Variants in ENOX1 observed in about 807,000 individuals in gnomAD.
ENOX1 encodes candidate growth-related and time keeping constitutive hydroquinone (NADH) oxidase.
A neutral mutation model predicts 82.5 loss-of-function variants in ENOX1; 42 were observed. The ratio of observed to expected loss-of-function variants is 0.51; its 90% CI spans 0.40 to 0.66. The LOEUF is 0.66. Ranked by LOEUF, ENOX1 falls within the 30% of genes least tolerant of loss-of-function variation. The probability of loss-of-function intolerance (pLI) is 0.00; values close to 1 mark genes in which losing one functional copy is unlikely to be tolerated. For synonymous variants in ENOX1, 271 were observed against 282.2 expected (o/e 0.96, Z 0.40); for missense variants, 608 against 811.6 (o/e 0.75, Z 3.05).
At position 43,687,006 on chromosome 13, in the gene ENOX1, T is replaced by C. The variant is rs192546872; in HGVS notation, c.-284-19462A>G. Reference sequence around the variant, plus strand: ...TCCGCTCCTCACAAAAAAGTATATATACATTTCCATTTTCATGTTGCCAGA... The same window carrying C: ...TCCGCTCCTCACAAAAAAGTATATACACATTTCCATTTTCATGTTGCCAGA... On this transcript the variant is annotated intron_variant, in intron 1 of 16. Coordinates refer to ENST00000690772, the MANE Select transcript of ENOX1 (RefSeq NM_001347969.2). Among the ~76,000 whole-genome samples, 317 of 152,258 alleles carry C rather than the reference T, an allele frequency of 2.1e-3. 1 individual carries two copies. The highest frequency in any genetic ancestry group is 6.6e-3 in the South Asian group (32 of 4,832).
intron 2 of ENOX1, among the ~76,000 whole-genome samples, chr13:43,601,415 C>T (rs566547340): frequency 3.3e-5 from 5 of 152,004 alleles, no homozygotes; most frequent in African/African-American, 9.6e-5. Flanking sequence ...ACATTATAGT[C>T]TCTTAACAGC....
intron 3 of ENOX1, among the ~76,000 whole-genome samples, chr13:43,463,947 G>A (rs1439666198): frequency 6.6e-6 from 1 of 152,132 alleles, no homozygotes; most frequent in Non-Finnish European, 1.5e-5. Context: ...TTGACATTTG[G>A]CAGAGAGAGA....
chr13:43,262,672 G>A (rs1234668117), intron 14 of ENOX1, among the ~76,000 whole-genome samples: 1 of 152,032 alleles, frequency 6.6e-6, no homozygotes, highest in Non-Finnish European at 1.5e-5. Flanking sequence ...GACTACAGGT[G>A]CGCCATGTTG....
rs1319562488 is a variant in ENOX1, at chr13:43,585,501, G to A, written c.-219+81978C>T. Among the ~76,000 whole-genome samples the A allele has an allele frequency of 2.6e-5, 4 of 152,266 alleles. No individual in the cohort carries two copies. The South Asian group carries it at 6.2e-4, about 24-fold the overall frequency. Reference sequence around the variant, plus strand: ...CTCAAAGCATCCTTATTCATTGATCGCTCACAGTTAACCACCCTGCCACTT... The same window carrying A: ...CTCAAAGCATCCTTATTCATTGATCACTCACAGTTAACCACCCTGCCACTT... On this transcript the variant is annotated intron_variant, in intron 2 of 16. Transcript: ENST00000690772.
chr13:43,388,235 G>C (rs903616176), intron 5 of ENOX1, among the ~76,000 whole-genome samples: 1 of 152,176 alleles, frequency 6.6e-6, no homozygotes, highest in Non-Finnish European at 1.5e-5. Context: ...AATTTATCTT[G>C]CTCAGTGGAA....
intron 2 of ENOX1, among the ~76,000 whole-genome samples, chr13:43,652,262 G>C (rs1225404510): frequency 6.6e-6 from 1 of 152,178 alleles, no homozygotes; most frequent in Non-Finnish European, 1.5e-5. Context: ...TAAATGAAGA[G>C]CAGAACCAAG....
At chr13:43,442,001 A>G (rs2153623036) in intron 3 of ENOX1, among the ~76,000 whole-genome samples, 1 of 152,252 alleles carries the variant, frequency 6.6e-6, no homozygotes, top group Non-Finnish European at 1.5e-5. Context: ...TCACCATACA[A>G]ATGCCCAGAC....
At chr13:43,571,782 TC>T (rs2080192859) in intron 2 of ENOX1, among the ~76,000 whole-genome samples, 1 of 152,144 alleles carries the variant, frequency 6.6e-6, no homozygotes, top group Non-Finnish European at 1.5e-5. Context: ...GACCTCCAAT[TC>T]CTCATCTGTG....
intron 2 of ENOX1, among the ~76,000 whole-genome samples, chr13:43,584,136 G>A (rs1176340575): frequency 6.6e-6 from 1 of 152,184 alleles, no homozygotes; most frequent in Non-Finnish European, 1.5e-5. Context: ...TACCTTCAGC[G>A]AGCAAGTAAA....
At chr13:43,625,535 A>T (rs1330308671) in intron 2 of ENOX1, among the ~76,000 whole-genome samples, 2 of 151,864 alleles carry the variant, frequency 1.3e-5, no homozygotes, top group Non-Finnish European at 2.9e-5. Context: ...CTTTTTTTCC[A>T]AGAATTTTCA....
intron 1 of ENOX1, among the ~76,000 whole-genome samples, chr13:43,773,802 A>G (rs1951778289): frequency 6.6e-6 from 1 of 152,230 alleles, no homozygotes; most frequent in Non-Finnish European, 1.5e-5. Flanking sequence ...CCAAGACAGG[A>G]ATGCTGCTTA....
In ENOX1 at chr13:43,614,466, C is replaced by G. The variant is rs1409669267; in HGVS notation, c.-219+53013G>C. Among the ~76,000 whole-genome samples, 3 of 151,804 alleles carry G rather than the reference C, an allele frequency of 2.0e-5. No individual in the cohort carries two copies. In the East Asian group the frequency reaches 5.8e-4, roughly 29 times the overall value. On this transcript the variant is annotated intron_variant, in intron 2 of 16. Coordinates refer to ENST00000690772, the MANE Select transcript of ENOX1 (RefSeq NM_001347969.2). The stretch of plus-strand genomic sequence containing the variant: ...CAAGAACCTCACACTTACCTCCTCA[C>G]CTGGCTTTGGACCTCAAGCTAAAAG...
intron 9 of ENOX1, among the ~76,000 whole-genome samples, chr13:43,340,797 C>T (rs537583097): frequency 1.3e-5 from 2 of 152,324 alleles, no homozygotes; most frequent in East Asian, 3.9e-4. Flanking sequence ...TCAGGGTTCC[C>T]TCCTGCCTGT....
At chr13:43,569,263 T>C (rs2080063663) in intron 2 of ENOX1, among the ~76,000 whole-genome samples, 1 of 152,184 alleles carries the variant, frequency 6.6e-6, no homozygotes, top group Non-Finnish European at 1.5e-5. Flanking sequence ...CATAAGGCTC[T>C]CTTAGGAAGC....
At chr13:43,759,097 C>CTT (rs3044251) in intron 1 of ENOX1, among the ~76,000 whole-genome samples, 5,370 of 122,362 alleles carry the variant, frequency 0.044, 314 homozygotes, top group African/African-American at 0.078. Context: ...TGATAAGTTT[C>CTT]TTTTTTTTTT....
chr13:43,452,037 G>C (rs555448040), intron 3 of ENOX1, among the ~76,000 whole-genome samples: 1 of 152,168 alleles, frequency 6.6e-6, no homozygotes, highest in East Asian at 1.9e-4. Flanking sequence ...ACCTGAAGGA[G>C]GTAATCTTAT....
intron 11 of ENOX1, among the ~76,000 whole-genome samples, chr13:43,314,467 C>A (rs7329678): frequency 3.7e-4 from 56 of 152,320 alleles, no homozygotes; most frequent in African/African-American, 1.3e-3. Flanking sequence ...ATCTTCAAGT[C>A]TTCGATTAAC....
intron 12 of ENOX1, among the ~76,000 whole-genome samples, chr13:43,285,043 T>TA (rs1466363526): frequency 1.1e-4 from 17 of 152,320 alleles, no homozygotes; most frequent in African/African-American, 3.6e-4. Context: ...ATGCAGGGTG[T>TA]ATTCACTGAT....
chr13:43,275,561 G>GT (rs1251206200), intron 12 of ENOX1, among the ~76,000 whole-genome samples: 2 of 146,120 alleles, frequency 1.4e-5, no homozygotes, highest in Admixed American at 1.4e-4. Flanking sequence ...GATATAGACA[G>GT]TGACTGACAC....
Sources: allele counts gnomAD v4.1 joint callset (sites outside exome capture counted in the v4.1 genomes callset), GRCh38; gene constraint gnomAD v4.1.1; transcripts MANE v1.5; gene names NCBI Gene and HGNC (gene_info 2026-07-23, HGNC 2026-07-21).